MAGI2: variants seen among roughly 807,000 people sequenced by gnomAD.
The protein encoded by MAGI2 is membrane-associated guanylate kinase, WW and PDZ domain-containing protein 2.
A neutral mutation model predicts 133.3 loss-of-function variants in MAGI2; 35 were observed. That is an observed-to-expected ratio of 0.26 (90% CI 0.20 to 0.35). MAGI2 has a LOEUF of 0.35. Ranked by LOEUF, MAGI2 falls within the 10% of genes least tolerant of loss-of-function variation. The pLI, the probability that MAGI2 is intolerant of heterozygous loss-of-function variation, is 1.00. For missense variants in MAGI2, 1,636 were observed against 1,863.4 expected (o/e 0.88, Z 2.25); for synonymous variants, 729 against 710.6 (o/e 1.03, Z -0.41).
At chr7:78,861,321 T>G (rs1462754211) in intron 2 of MAGI2, among the ~76,000 whole-genome samples, 1 of 152,108 alleles carries the variant, frequency 6.6e-6, no homozygotes, top group Non-Finnish European at 1.5e-5. Context: ...ATGCTGGGAG[T>G]TTCAGACTAG....
At chr7:78,721,176 A>G (rs1380131464) in intron 2 of MAGI2, among the ~76,000 whole-genome samples, 1 of 152,104 alleles carries the variant, frequency 6.6e-6, no homozygotes, top group Non-Finnish European at 1.5e-5. Context: ...CCCACACTGT[A>G]CCAGTTCTTC....
rs541938340 is a variant in MAGI2, at chr7:78,858,930, G to T, written c.418+148160C>A. On this transcript the variant is annotated intron_variant, in intron 2 of 21. Coordinates refer to ENST00000354212, the MANE Select transcript of MAGI2 (RefSeq NM_012301.4). ...ATGAATCTGGGTGCTCCTGTATTGG[G>T]TGCATATATATTTAGGATAGTTAGC... Among the ~76,000 whole-genome samples the T allele has an allele frequency of 8.1e-3, 1,238 of 152,148 alleles. 11 individuals carry two copies. Among genetic ancestry groups the T allele is most frequent in the African/African-American group, 0.029 (1,190 of 41,498 alleles).
intron 3 of MAGI2, among the ~76,000 whole-genome samples, chr7:78,552,034 T>A (rs1014429031): frequency 6.6e-6 from 1 of 152,178 alleles, no homozygotes; most frequent in African/African-American, 2.4e-5. Flanking sequence ...CATAAGCCAC[T>A]GCATCCAGCT....
chr7:79,039,349 A>C (rs1452216898), intron 1 of MAGI2, among the ~76,000 whole-genome samples: 1 of 152,146 alleles, frequency 6.6e-6, no homozygotes, highest in Non-Finnish European at 1.5e-5. Context: ...TAAATAAATA[A>C]ATTACCCAGT....
intron 3 of MAGI2, among the ~76,000 whole-genome samples, chr7:78,603,707 G>C (rs568608728): frequency 2.6e-5 from 4 of 152,060 alleles, no homozygotes; most frequent in Non-Finnish European, 4.4e-5. Flanking sequence ...ATCTTTAGTA[G>C]AGATGGAGTT....
At chr7:78,210,110 A>G (rs879356255) in intron 10 of MAGI2, among the ~76,000 whole-genome samples, 4 of 152,140 alleles carry the variant, frequency 2.6e-5, no homozygotes, top group Admixed American at 2.0e-4. Context: ...TATATTTATT[A>G]GATCATATTT....
intron 1 of MAGI2, among the ~76,000 whole-genome samples, chr7:79,081,303 A>G (rs1348057696): frequency 4.6e-5 from 7 of 152,172 alleles, no homozygotes; most frequent in Middle Eastern, 3.2e-3. Context: ...GAATTCAACC[A>G]GGTTCCTTTG....
At chr7:79,445,451 A>T (rs1848782372) in intron 1 of MAGI2, among the ~76,000 whole-genome samples, 1 of 152,214 alleles carries the variant, frequency 6.6e-6, no homozygotes, top group Non-Finnish European at 1.5e-5. Flanking sequence ...TCTACAGTGA[A>T]CTCAAACAAA....
intron 5 of MAGI2, 47 bp downstream of exon 5, chr7:78,501,530 C>A: frequency 1.4e-6 from 2 of 1,477,424 alleles, no homozygotes; most frequent in Non-Finnish European, 1.9e-6. Flanking sequence ...CATTTATATC[C>A]CGCTATGACC....
chr7:79,015,957 C>A (rs973106925), intron 1 of MAGI2, among the ~76,000 whole-genome samples: 1 of 128,864 alleles, frequency 7.8e-6, no homozygotes, highest in African/African-American at 3.0e-5. Context: ...GGGAACCCTG[C>A]AAAGGGAGTT....
intron 2 of MAGI2, among the ~76,000 whole-genome samples, chr7:78,906,350 A>G (rs2151603994): frequency 6.6e-6 from 1 of 152,292 alleles, no homozygotes; most frequent in South Asian, 2.1e-4. Flanking sequence ...TCGTCTAGTT[A>G]CATTTTGAAG....
chr7:78,045,540 C>T (rs750703114), intron 21 of MAGI2, among the ~76,000 whole-genome samples: 6 of 146,854 alleles, frequency 4.1e-5, no homozygotes, highest in African/African-American at 5.1e-5. Flanking sequence ...ACATACTGAG[C>T]GATATAAAGA....
chr7:79,441,791 C>A (rs1349730599), intron 1 of MAGI2, among the ~76,000 whole-genome samples: 1 of 151,946 alleles, frequency 6.6e-6, no homozygotes, highest in African/African-American at 2.4e-5. Context: ...AGTACTTGGA[C>A]TTTAGCTAAA....
At chr7:78,401,803 A>G (rs1000369835) in intron 6 of MAGI2, among the ~76,000 whole-genome samples, 1 of 152,182 alleles carries the variant, frequency 6.6e-6, no homozygotes, top group African/African-American at 2.4e-5. Flanking sequence ...AATAATACCT[A>G]CCACACAGGA....
chr7:78,980,314 TA>T (rs749883117), intron 2 of MAGI2, among the ~76,000 whole-genome samples: 1 of 151,866 alleles, frequency 6.6e-6, no homozygotes, highest in Non-Finnish European at 1.5e-5. Flanking sequence ...ACAAACAAAG[TA>T]GAGTTAACAA....
At chr7:78,299,468 T>C (rs908008588) in intron 9 of MAGI2, among the ~76,000 whole-genome samples, 4 of 152,154 alleles carry the variant, frequency 2.6e-5, no homozygotes, top group African/African-American at 9.7e-5. Context: ...TTAAAGTAGA[T>C]ACAAAATTAT....
intron 2 of MAGI2, among the ~76,000 whole-genome samples, chr7:78,759,804 T>C (rs546790481): frequency 6.6e-6 from 1 of 152,350 alleles, no homozygotes; most frequent in East Asian, 1.9e-4. Context: ...AAGGCAGGTT[T>C]CTCAATTTTA....
chr7:78,961,748 C>T (rs539067221), intron 2 of MAGI2, among the ~76,000 whole-genome samples: 1 of 152,034 alleles, frequency 6.6e-6, no homozygotes, highest in South Asian at 2.1e-4. Flanking sequence ...CTAATTTTAT[C>T]GTCTAAATAC....
At chr7:78,120,026 C>T (rs966940337) in intron 20 of MAGI2, among the ~76,000 whole-genome samples, 1 of 152,066 alleles carries the variant, frequency 6.6e-6, no homozygotes, top group Non-Finnish European at 1.5e-5. Context: ...TGGAAAGACT[C>T]GATATTATAA....
Sources: allele counts gnomAD v4.1 joint callset (sites outside exome capture counted in the v4.1 genomes callset), GRCh38; gene constraint gnomAD v4.1.1; transcripts MANE v1.5; gene names NCBI Gene and HGNC (gene_info 2026-07-23, HGNC 2026-07-21).